The following IAPP variants were observed in gnomAD, a reference collection of about 807,000 sequenced individuals.
IAPP encodes Islet amyloid polypeptide (diabetes-associated peptide; amylin).
In IAPP, 4 loss-of-function variants were observed where a neutral mutation model predicts 2.9. The ratio of observed to expected loss-of-function variants is 1.39; its 90% CI spans 0.69 to 3.19. IAPP has a LOEUF of 3.19. Among genes scored for constraint, IAPP ranks in the 30% most tolerant of loss-of-function variants. The pLI is 0.01. For synonymous variants in IAPP, 40 were observed against 42.1 expected (o/e 0.95, Z 0.19); for missense variants, 114 against 105.3 (o/e 1.08, Z -0.36).
chr12:21,377,575 C>A (rs1940296020), intron 2 of IAPP, among the ~76,000 whole-genome samples: 1 of 152,198 alleles, frequency 6.6e-6, no homozygotes, highest in African/African-American at 2.4e-5. Context: ...CCCCCTCTCC[C>A]TTGCCCCTGA....
At chr12:21,358,861 C>T (rs1318905598) in intron 1 of IAPP, among the ~76,000 whole-genome samples, 1 of 152,064 alleles carries the variant, frequency 6.6e-6, no homozygotes, top group Non-Finnish European at 1.5e-5. Flanking sequence ...AACATGTAAT[C>T]TATACTTCAT....
chr12:21,378,722 G>A lies in IAPP; in HGVS notation c.*296G>A, dbSNP rs1940389432. The stretch of plus-strand genomic sequence containing the variant: ...CAGGTTTAAGAACGAAGGAGAAAAA[G>A]GTAGTTTGAACCTTGGTAAATTGTA... On this transcript the variant is annotated 3_prime_UTR_variant, in exon 3 of 3. Coordinates refer to ENST00000240652, the MANE Select transcript of IAPP (RefSeq NM_000415.3). 1 of 280,222 alleles carries A rather than the reference G, an allele frequency of 3.6e-6. No homozygotes were observed. Among genetic ancestry groups the A allele is most frequent in the South Asian group, 6.6e-5 (1 of 15,238 alleles). The allele number at this position is 280,222 out of a possible 1,614,324, so 17.4% of individuals were successfully genotyped here.
chr12:21,357,632 T>C (rs1938479146), intron 1 of IAPP, among the ~76,000 whole-genome samples: 1 of 152,232 alleles, frequency 6.6e-6, no homozygotes, highest in South Asian at 2.1e-4. Context: ...TATTATTGAA[T>C]GAATAATTCA....
chr12:21,375,519 T>C (rs1054704062), intron 2 of IAPP, among the ~76,000 whole-genome samples: 1 of 152,216 alleles, frequency 6.6e-6, no homozygotes, highest in African/African-American at 2.4e-5. Context: ...TGTAAATGTA[T>C]GAAATAGGAT....
Position 21,373,358 on chromosome 12 carries a change from A to T in IAPP, c.7A>T (p.Ile3Phe), listed in dbSNP as rs1161915805. The change falls in exon 2 of 3, where the codon ATC becomes TTC. Residue 3 changes from isoleucine to phenylalanine, a missense_variant. Transcript: ENST00000240652. The stretch of plus-strand genomic sequence containing the variant: ...GCAGAAAATTTGAGAAGCAATGGGC[A>T]TCCTGAAGCTGCAAGTATTTCTCAT... Reference protein sequence around the residue: MGILKLQVFLIVL... With the variant: MGFLKLQVFLIVL... The T allele has an allele frequency of 6.2e-7, 1 of 1,612,026 alleles. No homozygotes were observed.
At chr12:21,357,350 G>T (rs536794033) in intron 1 of IAPP, among the ~76,000 whole-genome samples, 15 of 152,302 alleles carry the variant, frequency 9.8e-5, no homozygotes, top group Non-Finnish European at 1.9e-4. Flanking sequence ...AGGTGATGCT[G>T]CTTCTCCAAA....
chr12:21,378,357 C>G lies in IAPP; in HGVS notation c.201C>G (p.Ser67=), dbSNP rs372245942. ...TTCTCTCATCTACCAACGTGGGATC[C>G]AATACATATGGCAAGAGGAATGCAG... The part of the protein sequence containing the change: ...GAILSSTNVG[S]NTYGKRNAVE... The change falls in exon 3 of 3, where the codon TCC becomes TCG. Residue 67 remains serine (S), a synonymous_variant. Coordinates refer to ENST00000240652, the MANE Select transcript of IAPP (RefSeq NM_000415.3). 6.2e-7 allele frequency: 1 copy of G among 1,614,116 alleles called. No homozygotes were observed. Among genetic ancestry groups the G allele is most frequent in the Non-Finnish European group, 8.5e-7 (1 of 1,179,976 alleles).
chr12:21,373,436 G>T lies in IAPP; in HGVS notation c.80+5G>T, dbSNP rs770919028. The T allele has an allele frequency of 1.4e-5, 22 of 1,603,102 alleles. No individual in the cohort carries two copies. Among genetic ancestry groups the T allele is most frequent in the Non-Finnish European group, 1.8e-5 (21 of 1,170,208 alleles). On this transcript the variant is annotated splice_donor_5th_base_variant and intron_variant, in intron 2 of 2. Transcript: ENST00000240652. The stretch of plus-strand genomic sequence containing the variant: ...GAAAGCTACACCCATTGAAAGGTTG[G>T]TAACTTTAAAATCCTGTTTCTTTGT...
chr12:21,368,743 T>TAA (rs1301731464), upstream of IAPP, among the ~76,000 whole-genome samples: 11 of 152,126 alleles, frequency 7.2e-5, no homozygotes, highest in Admixed American at 7.2e-4. Flanking sequence ...TAATTTTATA[T>TAA]ACATTTGAAA....
chr12:21,364,166 G>A (rs181717118), intron 1 of IAPP, among the ~76,000 whole-genome samples: 70 of 152,182 alleles, frequency 4.6e-4, no homozygotes, highest in Non-Finnish European at 2.1e-4. Flanking sequence ...CTGGCAAACC[G>A]AATCCAGCAA....
At chr12:21,370,533 T>C (rs1377838164), upstream of IAPP, among the ~76,000 whole-genome samples, 2 of 139,096 alleles carry the variant, frequency 1.4e-5, no homozygotes, top group East Asian at 2.2e-4. Flanking sequence ...CCTGTGTCCA[T>C]GTGTTCTCAT....
intron 1 of IAPP, among the ~76,000 whole-genome samples, chr12:21,360,346 A>C (rs1321956321): frequency 6.6e-6 from 1 of 152,230 alleles, no homozygotes; most frequent in Non-Finnish European, 1.5e-5. Flanking sequence ...GTAAAACGAC[A>C]CCAATATAAA....
At chr12:21,363,616 T>G (rs1340948788) in intron 1 of IAPP, among the ~76,000 whole-genome samples, 1 of 152,070 alleles carries the variant, frequency 6.6e-6, no homozygotes, top group African/African-American at 2.4e-5. Context: ...GAGCTGGTTT[T>G]TGGAAAAGAT....
Position 21,378,281 on chromosome 12 carries a change from C to A in IAPP, c.125C>A (p.Thr42Lys), listed in dbSNP as rs761079012. The A allele has an allele frequency of 6.2e-7, 1 of 1,614,176 alleles. No individual in the cohort carries two copies. The change falls in exon 3 of 3, where the codon ACG (threonine) becomes AAG (lysine). Residue 42 changes from threonine (T) to lysine (K), a missense_variant. Thr to Lys is a moderately conservative substitution (Grantham distance 78). Coordinates refer to ENST00000240652, the MANE Select transcript of IAPP (RefSeq NM_000415.3). ...KRKCNTATCATQRLANFLVHS... is the reference protein window; with the variant it reads ...KRKCNTATCAKQRLANFLVHS... ...AAATGCAACACTGCCACATGTGCAA[C>A]GCAGCGCCTGGCAAATTTTTTAGTT...
chr12:21,377,283 C>G (rs1031821158), intron 2 of IAPP, among the ~76,000 whole-genome samples: 1 of 152,166 alleles, frequency 6.6e-6, no homozygotes, highest in Non-Finnish European at 1.5e-5. Context: ...ATAAAACTCT[C>G]ACACTGCAAT....
intron 2 of IAPP, 35 bp from the exon 3 acceptor site, chr12:21,378,202 G>C (rs777146031): frequency 6.3e-7 from 1 of 1,596,740 alleles, no homozygotes; most frequent in Non-Finnish European, 8.6e-7. Flanking sequence ...AAAATTCTAA[G>C]GCTCTAACTT....
upstream of IAPP, among the ~76,000 whole-genome samples, chr12:21,369,944 T>G (rs1389357346): frequency 6.6e-6 from 1 of 152,218 alleles, no homozygotes; most frequent in African/African-American, 2.4e-5. Flanking sequence ...GAGATTGGGA[T>G]AGATGTTGAT....
chr12:21,363,859 T>A (rs1320026564), intron 1 of IAPP, among the ~76,000 whole-genome samples: 1 of 152,184 alleles, frequency 6.6e-6, no homozygotes, highest in Non-Finnish European at 1.5e-5. Context: ...AGAAGCTGAA[T>A]CCCTGAATAG....
In IAPP at chr12:21,363,182, T is replaced by G. The variant is rs563735066; in HGVS notation, c.-16+8169T>G. Among the ~76,000 whole-genome samples the G allele has an allele frequency of 1.0e-3, 153 of 152,092 alleles. 1 individual carries two copies. The Middle Eastern group carries it at 0.034, about 34-fold the overall frequency. The stretch of plus-strand genomic sequence containing the variant: ...TCAGCAAATGTAAAAGAACAGAAAT[T>G]ATAACAAACTGTCTCTCAGACCACA... On this transcript the variant is annotated intron_variant, in intron 1 of 2. Transcript: ENST00000539393.
Sources: gnomAD v4.1 joint callset for allele counts (sites outside exome capture counted in the v4.1 genomes callset) on GRCh38, gnomAD v4.1.1 for gene constraint, MANE v1.5 for transcripts, NCBI Gene and HGNC (gene_info 2026-07-23, HGNC 2026-07-21) for gene names.